The following KCNJ3 variants were observed in gnomAD, a reference collection of about 807,000 sequenced individuals.
KCNJ3 encodes G protein-activated inward rectifier potassium channel 1.
In KCNJ3, 4 loss-of-function variants were observed where a neutral mutation model predicts 39.2. That is an observed-to-expected ratio of 0.10 (90% CI 0.05 to 0.23). The LOEUF (loss-of-function observed/expected upper bound fraction) is 0.23. KCNJ3 is among the 10% of genes least tolerant of loss of function. The pLI is 1.00. For missense variants in KCNJ3, 276 were observed against 634.9 expected, an observed-to-expected ratio of 0.43 and a Z score of 6.08; for synonymous variants, 230 against 237.4, an observed-to-expected ratio of 0.97 and a Z score of 0.29.
chr2:154,793,801 G>A (rs571692107), intron 2 of KCNJ3, among the ~76,000 whole-genome samples: 3 of 152,128 alleles, frequency 2.0e-5, no homozygotes, highest in South Asian at 2.1e-4. Context: ...AGGGAGCCTG[G>A]CATTTAAATA....
chr2:154,833,751 T>C (rs1261003799), intron 2 of KCNJ3, among the ~76,000 whole-genome samples: 2 of 152,344 alleles, frequency 1.3e-5, no homozygotes, highest in East Asian at 3.9e-4. Context: ...CTTTCCATAG[T>C]TACATTTTCT....
chr2:154,727,591 CAAAAAA>C (rs546038652), intron 2 of KCNJ3, among the ~76,000 whole-genome samples: 6 of 91,350 alleles, frequency 6.6e-5, no homozygotes, highest in African/African-American at 1.8e-4. Context: ...GAAACTCCGT[CAAAAAA>C]AAAAAAAAAA....
At chr2:154,802,047 T>G (rs1253220560) in intron 2 of KCNJ3, among the ~76,000 whole-genome samples, 1 of 152,200 alleles carries the variant, frequency 6.6e-6, no homozygotes, top group African/African-American at 2.4e-5. Context: ...AACTACTGCT[T>G]TGGGATTTTC....
intron 2 of KCNJ3, among the ~76,000 whole-genome samples, chr2:154,808,070 A>G (rs764414195): frequency 6.6e-6 from 1 of 151,808 alleles, no homozygotes; most frequent in Non-Finnish European, 1.5e-5. Context: ...GAAGAGGGAT[A>G]AGGGCATTTA....
intron 2 of KCNJ3, among the ~76,000 whole-genome samples, chr2:154,718,699 T>C (rs1685219660): frequency 6.6e-6 from 1 of 152,182 alleles, no homozygotes; most frequent in Admixed American, 6.5e-5. Context: ...AAAAAGAATA[T>C]TTGCACATAC....
chr2:154,798,946 T>C (rs1686764249), intron 2 of KCNJ3, among the ~76,000 whole-genome samples: 1 of 151,742 alleles, frequency 6.6e-6, no homozygotes, highest in Non-Finnish European at 1.5e-5. Context: ...TGTGTGTGTA[T>C]GCCATGTGGT....
At chr2:154,777,940 C>G (rs967333285) in intron 2 of KCNJ3, among the ~76,000 whole-genome samples, 15 of 152,070 alleles carry the variant, frequency 9.9e-5, no homozygotes, top group African/African-American at 3.6e-4. Flanking sequence ...AAAATCAGTT[C>G]AATAAACCAC....
At chr2:154,730,419 GA>G (rs1307014205) in intron 2 of KCNJ3, among the ~76,000 whole-genome samples, 1 of 152,056 alleles carries the variant, frequency 6.6e-6, no homozygotes, top group Non-Finnish European at 1.5e-5. Context: ...GCCATAAAAT[GA>G]AAAGGCATTA....
At position 154,715,550 on chromosome 2, in the gene KCNJ3, A is replaced by C. The variant is rs181548656; in HGVS notation, c.919+5731A>C. On this transcript the variant is annotated intron_variant, in intron 2 of 2. Transcript: ENST00000295101. ...AATACCTCATTAAAACAAAACTTTT[A>C]CTATGCAAGTGCTATTAAATGCATG... 3.0e-4 allele frequency among the ~76,000 whole-genome samples: 46 copies of C among 152,348 alleles called. No homozygotes were observed. The East Asian group carries it at 7.5e-3, about 25-fold the overall frequency.
chr2:154,744,189 C>A (rs534019603), intron 2 of KCNJ3, among the ~76,000 whole-genome samples: 1 of 151,542 alleles, frequency 6.6e-6, no homozygotes. Flanking sequence ...GAATAATAAA[C>A]CCTACTTGGT....
At chr2:154,760,711 C>T (rs1045812039) in intron 2 of KCNJ3, among the ~76,000 whole-genome samples, 5 of 151,058 alleles carry the variant, frequency 3.3e-5, no homozygotes, top group African/African-American at 1.2e-4. Context: ...ATGCCAACAC[C>T]CTGGCTATTT....
intron 1 of KCNJ3, among the ~76,000 whole-genome samples, chr2:154,706,385 C>A (rs1685010305): frequency 6.6e-6 from 1 of 151,988 alleles, no homozygotes; most frequent in Admixed American, 6.6e-5. Flanking sequence ...TCAAAATATT[C>A]TGCTTATTAT....
intron 2 of KCNJ3, among the ~76,000 whole-genome samples, chr2:154,852,584 T>C (rs1477201534): frequency 6.6e-6 from 1 of 152,186 alleles, no homozygotes; most frequent in Non-Finnish European, 1.5e-5. Flanking sequence ...TTTCTTATCT[T>C]AACAATGACA....
chr2:154,829,301 C>T lies in KCNJ3; in HGVS notation c.920-25426C>T, dbSNP rs192139064. 5.3e-5 allele frequency among the ~76,000 whole-genome samples: 8 copies of T among 152,168 alleles called. No individual in the cohort carries two copies. The East Asian group carries it at 7.7e-4, about 15-fold the overall frequency. On this transcript the variant is annotated intron_variant, in intron 2 of 2. Coordinates refer to ENST00000295101, the MANE Select transcript of KCNJ3 (RefSeq NM_002239.4). ...CTCCCAGCCGCTACCCTCAAGTAGG[C>T]CCTGGTGTCTATTGTTTCCTTCTTT...
At chr2:154,815,468 G>A (rs2105105209) in intron 2 of KCNJ3, among the ~76,000 whole-genome samples, 1 of 152,222 alleles carries the variant, frequency 6.6e-6, no homozygotes, top group Non-Finnish European at 1.5e-5. Flanking sequence ...TGTGCAGTCA[G>A]CTTTCAATGT....
Position 154,763,133 on chromosome 2 carries a change from A to G in KCNJ3, c.919+53314A>G, listed in dbSNP as rs574440870. Among the ~76,000 whole-genome samples, 33 of 152,310 alleles carry G rather than the reference A, an allele frequency of 2.2e-4. No individual in the cohort carries two copies. In the South Asian group the frequency reaches 2.9e-3, roughly 13 times the overall value. On this transcript the variant is annotated intron_variant, in intron 2 of 2. Transcript: ENST00000295101. ...TTGGAATTCACATTTCCGACAGTCA[A>G]TTTTGTGAGAACTTTATTAAAAGCA...
chr2:154,717,653 G>T (rs968790479), intron 2 of KCNJ3, among the ~76,000 whole-genome samples: 1 of 152,090 alleles, frequency 6.6e-6, no homozygotes, highest in South Asian at 2.1e-4. Flanking sequence ...GATAAATTAA[G>T]AATGATAAAT....
At position 154,724,274 on chromosome 2, in the gene KCNJ3, T is replaced by C. The variant is rs376704383; in HGVS notation, c.919+14455T>C. Reference sequence around the variant, plus strand: ...TTGTGGGTGTGTGTCTGTGTGTGCATCCTGGCTTCTGATGCACACACTTAA... The same window carrying C: ...TTGTGGGTGTGTGTCTGTGTGTGCACCCTGGCTTCTGATGCACACACTTAA... On this transcript the variant is annotated intron_variant, in intron 2 of 2. Transcript: ENST00000295101. 2.4e-4 allele frequency among the ~76,000 whole-genome samples: 36 copies of C among 152,200 alleles called. No homozygotes were observed. In the South Asian group the frequency reaches 3.9e-3, roughly 17 times the overall value.
At chr2:154,791,094 A>T (rs1171968000) in intron 2 of KCNJ3, among the ~76,000 whole-genome samples, 1 of 152,034 alleles carries the variant, frequency 6.6e-6, no homozygotes, top group East Asian at 1.9e-4. Context: ...AGAAAGACAG[A>T]AGCCTCACCC....
Sources: allele counts gnomAD v4.1 joint callset (sites outside exome capture counted in the v4.1 genomes callset), GRCh38; gene constraint gnomAD v4.1.1; transcripts MANE v1.5; gene names NCBI Gene and HGNC (gene_info 2026-07-23, HGNC 2026-07-21).